The following AP3S1 variants were observed in gnomAD, a reference collection of about 807,000 sequenced individuals.
The protein encoded by AP3S1 is AP-3 complex subunit sigma-1.
A neutral mutation model predicts 21.3 loss-of-function variants in AP3S1; 12 were observed. That is an observed-to-expected ratio of 0.56 (90% confidence interval 0.36 to 0.91). AP3S1 has a LOEUF of 0.91. Among genes scored for constraint, AP3S1 ranks in the 40% least tolerant of loss-of-function variants. The pLI is 0.01. For synonymous variants in AP3S1, 48 were observed against 78.4 expected (o/e 0.61, Z 2.05); for missense variants, 116 against 225.0 (o/e 0.52, Z 3.10).
chr5:115,854,319 C>T (rs1057246242), intron 1 of AP3S1, among the ~76,000 whole-genome samples: 3 of 152,130 alleles, frequency 2.0e-5, no homozygotes. Flanking sequence ...TTATACCTGC[C>T]ATTTATTGAG....
At chr5:115,888,610 CT>C (rs1269084381) in intron 3 of AP3S1, among the ~76,000 whole-genome samples, 15 of 151,842 alleles carry the variant, frequency 9.9e-5, no homozygotes, top group African/African-American at 3.4e-4. Flanking sequence ...TTGCAGGGTA[CT>C]TTTTTTATAG....
chr5:115,902,836 C>G, intron 4 of AP3S1, 49 bp from the exon 5 acceptor site: 2 of 1,336,192 alleles, frequency 1.5e-6, no homozygotes, highest in Admixed American at 4.8e-5. Flanking sequence ...CATGAAACTT[C>G]TTTTTAGTGA....
chr5:115,869,968 A>G (rs1345358357), intron 2 of AP3S1, 49 bp from the exon 3 acceptor site: 1 of 1,210,170 alleles, frequency 8.3e-7, no homozygotes, highest in Non-Finnish European at 1.2e-6. Flanking sequence ...GCTAATGAAA[A>G]TGATTCGCAT....
chr5:115,878,076 G>C (rs1029133560), intron 3 of AP3S1, among the ~76,000 whole-genome samples: 1 of 152,124 alleles, frequency 6.6e-6, no homozygotes, highest in Non-Finnish European at 1.5e-5. Context: ...ATTTGTTTAA[G>C]TTCCTTGTAG....
At chr5:115,865,299 C>G (rs1313751735) in intron 1 of AP3S1, among the ~76,000 whole-genome samples, 1 of 152,042 alleles carries the variant, frequency 6.6e-6, no homozygotes, top group Non-Finnish European at 1.5e-5. Flanking sequence ...CTCTAGCTTA[C>G]TTTAAGAATT....
intron 4 of AP3S1, among the ~76,000 whole-genome samples, chr5:115,897,889 C>T (rs1750892330): frequency 1.3e-5 from 2 of 152,104 alleles, no homozygotes; most frequent in South Asian, 2.1e-4. Flanking sequence ...AAAGGCAAGA[C>T]ATAGGGAGGT....
At chr5:115,846,851 T>C (rs1013134769) in intron 1 of AP3S1, among the ~76,000 whole-genome samples, 4 of 152,334 alleles carry the variant, frequency 2.6e-5, no homozygotes, top group African/African-American at 9.6e-5. Context: ...ATATTAGTTA[T>C]AATGCGTTTG....
chr5:115,880,931 G>C (rs1749223159), intron 3 of AP3S1, among the ~76,000 whole-genome samples: 1 of 152,096 alleles, frequency 6.6e-6, no homozygotes, highest in Non-Finnish European at 1.5e-5. Flanking sequence ...TTGTTGGGTT[G>C]ATCCCTTTAC....
At chr5:115,858,236 A>T (rs1052598818) in intron 1 of AP3S1, among the ~76,000 whole-genome samples, 3 of 152,182 alleles carry the variant, frequency 2.0e-5, no homozygotes, top group Non-Finnish European at 4.4e-5. Flanking sequence ...TGGGAAGTAG[A>T]TTTTTTGTGA....
chr5:115,891,883 A>G (rs972129716), intron 3 of AP3S1, among the ~76,000 whole-genome samples: 4 of 152,214 alleles, frequency 2.6e-5, no homozygotes, highest in Non-Finnish European at 5.9e-5. Context: ...CTTGCATCAG[A>G]GTGACCTGGA....
chr5:115,882,908 G>A (rs895506605), intron 3 of AP3S1, among the ~76,000 whole-genome samples: 8 of 152,156 alleles, frequency 5.3e-5, no homozygotes, highest in African/African-American at 1.2e-4. Context: ...TCAGAGAGGA[G>A]TAATCTAGAG....
Position 115,841,943 on chromosome 5 carries a change from G to C in AP3S1, c.-95G>C. On this transcript the variant is annotated 5_prime_UTR_variant, in exon 1 of 6. Transcript: ENST00000316788. The stretch of plus-strand genomic sequence containing the variant: ...GCGCGGTCGCGTGCGGGAGGGGGCG[G>C]GTGGGGAAGGATCGCAGGCGAGATT... 2 of 1,518,224 alleles carry C rather than the reference G, an allele frequency of 1.3e-6. No homozygotes were observed. The highest frequency in any genetic ancestry group is 1.4e-5 in the African/African-American group (1 of 71,874). The allele number at this position is 1,518,224 out of a possible 1,614,324, so 94.0% of individuals were successfully genotyped here. A position where few individuals can be genotyped will look rare whatever the true frequency, so the allele number is the denominator to read the frequency against.
At chr5:115,883,985 T>C (rs1749540883) in intron 3 of AP3S1, among the ~76,000 whole-genome samples, 1 of 152,130 alleles carries the variant, frequency 6.6e-6, no homozygotes, top group African/African-American at 2.4e-5. Context: ...ATTAAGTCGC[T>C]TAAATGGAGG....
chr5:115,885,055 G>A (rs551574876), intron 3 of AP3S1, among the ~76,000 whole-genome samples: 5 of 152,152 alleles, frequency 3.3e-5, no homozygotes, highest in African/African-American at 9.6e-5. Context: ...CTAACATGAC[G>A]GCCAGCATAA....
At chr5:115,895,306 G>A in intron 4 of AP3S1, 148 bp downstream of exon 4, 1 of 541,760 alleles carries the variant, frequency 1.8e-6, no homozygotes, top group South Asian at 3.1e-5. Flanking sequence ...CAGGCTTTGT[G>A]CTTGGTGGAG....
chr5:115,874,996 C>T (rs1288586578), intron 3 of AP3S1, among the ~76,000 whole-genome samples: 6 of 151,720 alleles, frequency 4.0e-5, no homozygotes, highest in African/African-American at 7.3e-5. Flanking sequence ...TAGGTGTGAG[C>T]GTTAAAAAAA....
At chr5:115,858,266 A>T (rs1580633052) in intron 1 of AP3S1, among the ~76,000 whole-genome samples, 1 of 152,212 alleles carries the variant, frequency 6.6e-6, no homozygotes, top group South Asian at 2.1e-4. Context: ...CTGCCCAAAA[A>T]TTTTTATTAT....
rs1302110998 is a variant in AP3S1 at position 115,870,013 on chromosome 5, T to C, written c.162-4T>C. The stretch of plus-strand genomic sequence containing the variant: ...AATAACATTACAATTTTTTTGTCAT[T>C]TAGATTAATTGGAGGATCTGACAAC... On this transcript the variant is annotated splice_polypyrimidine_tract_variant and splice_region_variant and intron_variant, in intron 2 of 5. Coordinates refer to ENST00000316788, the MANE Select transcript of AP3S1 (RefSeq NM_001284.4). The C allele has an allele frequency of 1.2e-6, 1 of 862,712 alleles. No individual in the cohort carries two copies. Among genetic ancestry groups the C allele is most frequent in the Non-Finnish European group, 1.7e-6 (1 of 572,470 alleles). The allele number at this position is 862,712 out of a possible 1,614,324, so 53.4% of individuals were successfully genotyped here.
chr5:115,844,287 C>G (rs917151850), intron 1 of AP3S1, among the ~76,000 whole-genome samples: 2 of 151,918 alleles, frequency 1.3e-5, no homozygotes, highest in Non-Finnish European at 1.5e-5. Context: ...AACTTTCGCT[C>G]TTGTGTGAGG....
Sources: gnomAD v4.1 joint callset for allele counts (sites outside exome capture counted in the v4.1 genomes callset) on GRCh38, gnomAD v4.1.1 for gene constraint, MANE v1.5 for transcripts, NCBI Gene and HGNC (gene_info 2026-07-23, HGNC 2026-07-21) for gene names.